The following ZNF514 variants were observed in gnomAD, a reference collection of about 807,000 sequenced individuals.
The protein encoded by ZNF514 is zinc finger protein 514.
ZNF514 carries 12 observed loss-of-function variants against 9.7 expected under a neutral mutation model. That is an observed-to-expected ratio of 1.24 (90% CI 0.79 to 2.01). ZNF514 has a LOEUF of 2.01. Ranked by LOEUF, ZNF514 falls within the 30% of genes most tolerant of loss-of-function variation. The probability of loss-of-function intolerance (pLI) is 0.00; values close to 1 mark genes in which losing one functional copy is unlikely to be tolerated. For synonymous variants in ZNF514, 158 were observed against 163.7 expected, an observed-to-expected ratio of 0.97 and a Z score of 0.27; for missense variants, 467 against 465.5, an observed-to-expected ratio of 1.00 and a Z score of -0.03.
At chr2:95,157,509 C>A (rs1673720499) in intron 1 of ZNF514, 70 bp from the exon 2 acceptor site, 3 of 882,776 alleles carry the variant, frequency 3.4e-6, no homozygotes. Context: ...ACTTCCCAAG[C>A]CTGAGACCCA....
rs1174400951 is a variant in ZNF514, at chr2:95,149,822, G to T, written c.663C>A (p.Arg221=). ...KSFHFQSELR[R]HQRCHTGEKP... Reference sequence around the variant, plus strand: ...TTTCTCCAGTGTGACATCGCTGATGGCGCCTAAGTTCTGACTGGAAGTGAA... The same window carrying T: ...TTTCTCCAGTGTGACATCGCTGATGTCGCCTAAGTTCTGACTGGAAGTGAA... The change falls in exon 5 of 5, where the codon CGC becomes CGA. Residue 221 remains arginine (R), a synonymous_variant. Transcript: ENST00000295208. 6.2e-7 allele frequency: 1 copy of T among 1,614,072 alleles called. No homozygotes were observed. The highest frequency in any genetic ancestry group is 1.3e-5 in the African/African-American group (1 of 74,928).
Position 95,149,106 on chromosome 2 carries a change from G to A in ZNF514, c.*176C>T. ...TTCTCCCATGTTTGGTAAGAGAGGG[G>A]AAGCCCACCCCCTCTTGACATTGAC... On this transcript the variant is annotated 3_prime_UTR_variant, in exon 5 of 5. Coordinates refer to ENST00000295208, the MANE Select transcript of ZNF514 (RefSeq NM_032788.3). The A allele has an allele frequency of 1.2e-5, 9 of 757,224 alleles. No individual in the cohort carries two copies. Among genetic ancestry groups the A allele is most frequent in the Non-Finnish European group, 1.8e-5 (9 of 494,900 alleles). The allele number at this position is 757,224 out of a possible 1,614,324, so 46.9% of individuals were successfully genotyped here. A position where few individuals can be genotyped will look rare whatever the true frequency, so the allele number is the denominator to read the frequency against.
chr2:95,151,978 G>A (rs1456637685), intron 4 of ZNF514, among the ~76,000 whole-genome samples: 1 of 152,170 alleles, frequency 6.6e-6, no homozygotes, highest in African/African-American at 2.4e-5. Context: ...ACTTTCCTGA[G>A]CTTCAGCTCT....
chr2:95,135,586 T>G, the ZNF514 span, among the ~76,000 whole-genome samples: 6 of 151,862 alleles, frequency 4.0e-5, no homozygotes, highest in Non-Finnish European at 8.8e-5. Context: ...TATACCTGGC[T>G]AATATTTGTA....
chr2:95,155,296 C>T (rs1192456399), intron 2 of ZNF514: 2 of 152,274 alleles, frequency 1.3e-5, no homozygotes, highest in Non-Finnish European at 2.9e-5. Context: ...CAGGGAGCTC[C>T]ACCCAGGGAG....
At chr2:95,137,028 C>G in the ZNF514 span, among the ~76,000 whole-genome samples, 1 of 152,052 alleles carries the variant, frequency 6.6e-6, no homozygotes, top group African/African-American at 2.4e-5. Flanking sequence ...CGAAAATGAA[C>G]AACAAATTAA....
In ZNF514 at chr2:95,147,156, C is replaced by G. The variant is rs1673380797; in HGVS notation, c.*2126G>C. ...GGTCTAGGCTTCTCCACCTGAGTTA[C>G]AGAGCCAACATGGTAGGAACTTTAA... is the stretch of plus-strand genomic sequence containing the variant. On this transcript the variant is annotated 3_prime_UTR_variant, in exon 5 of 5. Transcript: ENST00000295208. Among the ~76,000 whole-genome samples the G allele has an allele frequency of 2.0e-5, 3 of 152,202 alleles. No homozygotes were observed. Among genetic ancestry groups the G allele is most frequent in the African/African-American group, 7.2e-5 (3 of 41,450 alleles).
chr2:95,139,907 G>T, the ZNF514 span, among the ~76,000 whole-genome samples: 1 of 152,110 alleles, frequency 6.6e-6, no homozygotes, highest in Non-Finnish European at 1.5e-5. Flanking sequence ...TGGAAAAAGT[G>T]CTTACAAGAT....
At chr2:95,150,984 C>T (rs1673520358) in intron 4 of ZNF514, among the ~76,000 whole-genome samples, 2 of 152,180 alleles carry the variant, frequency 1.3e-5, no homozygotes, top group African/African-American at 4.8e-5. Context: ...AAGCTCATGT[C>T]CTCCACGAAG....
At chr2:95,127,228 C>A in the ZNF514 span, among the ~76,000 whole-genome samples, 1 of 152,190 alleles carries the variant, frequency 6.6e-6, no homozygotes, top group East Asian at 1.9e-4. Context: ...GCCCTTCACT[C>A]GAGGGACTCT....
chr2:95,133,150 C>T, the ZNF514 span, among the ~76,000 whole-genome samples: 72 of 152,160 alleles, frequency 4.7e-4, no homozygotes, highest in African/African-American at 1.6e-3. Context: ...TTGGGTGACT[C>T]TCCAGAGAAT....
rs1673353424 is a variant in ZNF514, at chr2:95,146,152, CAT to C, written c.*3128_*3129del. On this transcript the variant is annotated 3_prime_UTR_variant, in exon 5 of 5. Coordinates refer to ENST00000295208, the MANE Select transcript of ZNF514 (RefSeq NM_032788.3). The stretch of plus-strand genomic sequence containing the variant: ...TGGTCAACTGTGCCTACAGGTCACT[CAT>C]ATTTATCTCAGAATAAATCTCTTAA... 6.6e-6 allele frequency among the ~76,000 whole-genome samples: 1 copy of C among 152,170 alleles called. No individual in the cohort carries two copies. The highest frequency in any genetic ancestry group is 1.5e-5 in the Non-Finnish European group (1 of 68,034).
the ZNF514 span, among the ~76,000 whole-genome samples, chr2:95,127,316 C>T: frequency 6.6e-6 from 1 of 152,198 alleles, no homozygotes; most frequent in African/African-American, 2.4e-5. Context: ...AGTCAGACTT[C>T]TGTTCACTAG....
chr2:95,152,819 G>T, intron 3 of ZNF514, 50 bp from the exon 4 acceptor site: 1 of 1,484,568 alleles, frequency 6.7e-7, no homozygotes, highest in Non-Finnish European at 9.4e-7. Flanking sequence ...CAGTGGCCAA[G>T]TCTTTGGATA....
At chr2:95,159,213 CT>C in intron 1 of ZNF514, 26 bp downstream of exon 1, 1 of 218,910 alleles carries the variant, frequency 4.6e-6, no homozygotes, top group Non-Finnish European at 8.7e-6. Context: ...GGGTCGTGCT[CT>C]TCCCTCGCCA....
At chr2:95,125,132 G>C in the ZNF514 span, among the ~76,000 whole-genome samples, 1 of 151,288 alleles carries the variant, frequency 6.6e-6, no homozygotes, top group African/African-American at 2.4e-5. Flanking sequence ...GCCCACCTCA[G>C]ACTCCCAAAG....
At chr2:95,158,786 G>A in intron 1 of ZNF514, 2 of 1,236,342 alleles carry the variant, frequency 1.6e-6, no homozygotes, top group South Asian at 2.7e-5. Context: ...AGACCCAGGA[G>A]ACTGCGGCTT....
chr2:95,142,536 C>T (rs2104455822), downstream of ZNF514, among the ~76,000 whole-genome samples: 1 of 152,308 alleles, frequency 6.6e-6, no homozygotes, highest in South Asian at 2.1e-4. Context: ...GAAACAACTC[C>T]CTTTTTTTCT....
At chr2:95,140,183 A>G (rs1329523787), downstream of ZNF514, among the ~76,000 whole-genome samples, 1 of 152,150 alleles carries the variant, frequency 6.6e-6, no homozygotes, top group Non-Finnish European at 1.5e-5. Context: ...ACCTAATGTA[A>G]ATGACGAGTT....
Sources: allele counts gnomAD v4.1 joint callset (sites outside exome capture counted in the v4.1 genomes callset), GRCh38; gene constraint gnomAD v4.1.1; transcripts MANE v1.5; gene names NCBI Gene and HGNC (gene_info 2026-07-23, HGNC 2026-07-21).